The following KLHL28 variants were observed in gnomAD, a reference collection of about 807,000 sequenced individuals.
KLHL28 encodes kelch like family member 28.
Under a neutral mutation model 48.3 loss-of-function variants are expected in KLHL28, and 22 were observed. That is an observed-to-expected ratio of 0.46 (90% CI 0.33 to 0.65). The LOEUF (loss-of-function observed/expected upper bound fraction) is 0.65, where lower values mean the gene tolerates loss of function less well. Among genes scored for constraint, KLHL28 ranks in the 30% least tolerant of loss-of-function variants. The probability of loss-of-function intolerance (pLI) is 0.03; values close to 1 mark genes in which losing one functional copy is unlikely to be tolerated. For missense variants in KLHL28, 527 were observed against 704.3 expected, an observed-to-expected ratio of 0.75 and a Z score of 2.85; for synonymous variants, 243 against 242.4, an observed-to-expected ratio of 1.00 and a Z score of -0.02.
chr14:44,943,954 A>T (rs528954320), intron 2 of KLHL28, among the ~76,000 whole-genome samples: 4 of 152,204 alleles, frequency 2.6e-5, no homozygotes, highest in African/African-American at 9.6e-5. Flanking sequence ...GTCTCAAGTG[A>T]TCCTCCTGTG....
At chr14:44,935,207 A>G (rs1566564510) in intron 2 of KLHL28, among the ~76,000 whole-genome samples, 1 of 152,240 alleles carries the variant, frequency 6.6e-6, no homozygotes, top group Non-Finnish European at 1.5e-5. Flanking sequence ...TTGAGATAAA[A>G]AAGTCAAATT....
chr14:44,945,809 T>A lies in KLHL28; in HGVS notation c.120A>T (p.Arg40=). ...GAGCATGAATTTTAACATCACCTACTCGAAGAATGATGTCACAGAGTTCGT... is the reference window on the plus strand; with the variant it reads ...GAGCATGAATTTTAACATCACCTACACGAAGAATGATGTCACAGAGTTCGT... The part of the protein sequence containing the change: ...QHHELCDIIL[R]VGDVKIHAHK... The change falls in exon 2 of 5, where the codon CGA becomes CGT. Residue 40 remains arginine, a synonymous_variant. Transcript: ENST00000396128. The A allele has an allele frequency of 6.2e-7, 1 of 1,614,094 alleles. No homozygotes were observed. Among genetic ancestry groups the A allele is most frequent in the Non-Finnish European group, 8.5e-7 (1 of 1,180,004 alleles).
chr14:44,931,398 A>G lies in KLHL28; in HGVS notation c.1487T>C (p.Ile496Thr), dbSNP rs1304119202. 1.2e-6 allele frequency: 2 copies of G among 1,614,088 alleles called. No homozygotes were observed. Among genetic ancestry groups the G allele is most frequent in the East Asian group, 4.5e-5 (2 of 44,876 alleles). ...ATTTTGATGAGGATCGTATCTTTCA[A>G]TGCTGGACAAATGTGAGACTCCATT... ...GHNGVSHLSSIERYDPHQNQW... is the reference protein window; with the variant it reads ...GHNGVSHLSSTERYDPHQNQW... The change falls in exon 4 of 5, where the codon ATT becomes ACT. Residue 496 changes from isoleucine (I) to threonine (T), a missense_variant. Transcript: ENST00000396128.
At position 44,928,981 on chromosome 14, in the gene KLHL28, T is replaced by C. The variant is rs762380216; in HGVS notation, c.*47A>G. 2.5e-6 allele frequency: 4 copies of C among 1,578,032 alleles called. No individual in the cohort carries two copies. Among genetic ancestry groups the C allele is most frequent in the African/African-American group, 2.7e-5 (2 of 73,988 alleles). ...GAAAACTGGGCCATCCGGATGTTCA[T>C]GCAGTACAAGTTTCACCACCATACT... On this transcript the variant is annotated 3_prime_UTR_variant, in exon 5 of 5. Transcript: ENST00000396128.
chr14:44,945,591 T>C lies in KLHL28; in HGVS notation c.338A>G (p.Asn113Ser), dbSNP rs781564947. The change falls in exon 2 of 5, where the codon AAC becomes AGC. Residue 113 changes from asparagine (N) to serine (S), a missense_variant. Coordinates refer to ENST00000396128, the MANE Select transcript of KLHL28 (RefSeq NM_017658.5). ...DTVESLLPAANLLQIKLVLKE... is the reference protein window; with the variant it reads ...DTVESLLPAASLLQIKLVLKE... ...CAGGACAAGTTTTATCTGGAGTAGG[T>C]TTGCTGCTGGCAGGAGAGATTCAAC... 1.2e-6 allele frequency: 2 copies of C among 1,614,020 alleles called. No homozygotes were observed. Among genetic ancestry groups the C allele is most frequent in the Non-Finnish European group, 1.7e-6 (2 of 1,180,030 alleles).
chr14:44,937,668 C>T (rs1467388894), intron 2 of KLHL28, among the ~76,000 whole-genome samples: 5 of 152,106 alleles, frequency 3.3e-5, no homozygotes, highest in Admixed American at 2.0e-4. Flanking sequence ...GCCGATATAA[C>T]AGAATACTAC....
chr14:44,956,544 A>G, intron 1 of KLHL28, among the ~76,000 whole-genome samples: 1 of 152,226 alleles, frequency 6.6e-6, no homozygotes, highest in Non-Finnish European at 1.5e-5. Context: ...TAGAAAAATC[A>G]TGTTAAACAA....
At chr14:44,952,608 A>T (rs377365388) in intron 1 of KLHL28, among the ~76,000 whole-genome samples, 2 of 152,142 alleles carry the variant, frequency 1.3e-5, no homozygotes, top group South Asian at 2.1e-4. Flanking sequence ...ATCATGGCAC[A>T]ATGCAACCTC....
intron 1 of KLHL28, among the ~76,000 whole-genome samples, chr14:44,949,796 A>G (rs1489069302): frequency 2.6e-5 from 4 of 152,306 alleles, no homozygotes; most frequent in African/African-American, 9.6e-5. Flanking sequence ...CGTGTTTAAC[A>G]GGTTTAGGGA....
Position 44,927,108 on chromosome 14 carries a change from T to G in KLHL28, c.*1920A>C, listed in dbSNP as rs1883398751. 6.6e-6 allele frequency: 1 copy of G among 152,622 alleles called. No homozygotes were observed. The highest frequency in any genetic ancestry group is 2.1e-4 in the South Asian group (1 of 4,834). 9.5% of individuals were successfully genotyped at this position (152,622 alleles called of 1,614,324 possible). On this transcript the variant is annotated 3_prime_UTR_variant, in exon 5 of 5. Transcript: ENST00000396128. ...ACATAGAAAATACTCAGACTATCAA[T>G]TGTTATTAGTTGCTCCTGTTGAGTT...
At chr14:44,951,824 C>T (rs1884594230) in intron 1 of KLHL28, among the ~76,000 whole-genome samples, 1 of 152,092 alleles carries the variant, frequency 6.6e-6, no homozygotes, top group Non-Finnish European at 1.5e-5. Flanking sequence ...ATTACACTAG[C>T]AGTTTTCCAT....
rs966326126 is a variant in KLHL28, at chr14:44,926,824, A to G, written c.*2204T>C. The G allele has an allele frequency of 3.9e-5, 6 of 152,186 alleles. 1 individual carries two copies. Among genetic ancestry groups the G allele is most frequent in the Admixed American group, 3.9e-4 (6 of 15,264 alleles). The allele number at this position is 152,186 out of a possible 1,614,324, so 9.4% of individuals were successfully genotyped here. On this transcript the variant is annotated 3_prime_UTR_variant, in exon 5 of 5. Transcript: ENST00000396128. The stretch of plus-strand genomic sequence containing the variant: ...CGCCCGTCCTAAAATCATTTTCCAC[A>G]GTCTTTCAAATTCCCTTATCTTTTG...
intron 1 of KLHL28, among the ~76,000 whole-genome samples, chr14:44,949,620 A>T (rs1414800181): frequency 6.6e-6 from 1 of 152,128 alleles, no homozygotes. Flanking sequence ...TGAAGATGAC[A>T]TGAAGCTGCA....
chr14:44,941,642 A>G (rs1295257039), intron 2 of KLHL28, among the ~76,000 whole-genome samples: 1 of 149,168 alleles, frequency 6.7e-6, no homozygotes, highest in Non-Finnish European at 1.5e-5. Context: ...AAAAAAAAAA[A>G]AAAGAAAAAG....
intron 1 of KLHL28, among the ~76,000 whole-genome samples, chr14:44,955,286 T>A (rs571824605): frequency 9.2e-5 from 14 of 151,924 alleles, no homozygotes; most frequent in African/African-American, 3.4e-4. Context: ...ACATACATAT[T>A]AAATATACGT....
chr14:44,935,912 T>TC (rs1883807802), intron 2 of KLHL28, among the ~76,000 whole-genome samples: 2 of 20,944 alleles, frequency 9.5e-5, no homozygotes, highest in Admixed American at 1.6e-3. Context: ...ATCTTTACCC[T>TC]CCCCCCGCAA....
chr14:44,944,161 CCTAT>C (rs1357830403), intron 2 of KLHL28, among the ~76,000 whole-genome samples: 4 of 152,236 alleles, frequency 2.6e-5, no homozygotes, highest in East Asian at 3.9e-4. Flanking sequence ...ATGAAGCAAT[CCTAT>C]CTAAGAAAAA....
intron 1 of KLHL28, among the ~76,000 whole-genome samples, chr14:44,953,401 G>A (rs552767936): frequency 6.6e-6 from 1 of 152,346 alleles, no homozygotes; most frequent in East Asian, 1.9e-4. Flanking sequence ...CAATGCGGTA[G>A]TATTGAGAGG....
At position 44,934,575 on chromosome 14, in the gene KLHL28, A is replaced by C; in HGVS notation, c.900-17T>G. On this transcript the variant is annotated splice_polypyrimidine_tract_variant and intron_variant, in intron 2 of 4. Transcript: ENST00000396128. Reference sequence around the variant, plus strand: ...ATCTCCACACTAAAGAATAAGCAGAAAAAATATAAAATTTAAAAACCAAAG... The same window carrying C: ...ATCTCCACACTAAAGAATAAGCAGACAAAATATAAAATTTAAAAACCAAAG... 1 of 1,519,772 alleles carries C rather than the reference A, an allele frequency of 6.6e-7. No individual in the cohort carries two copies. The highest frequency in any genetic ancestry group is 8.8e-7 in the Non-Finnish European group (1 of 1,136,972). The allele number at this position is 1,519,772 out of a possible 1,614,324, so 94.1% of individuals were successfully genotyped here.
Sources: allele counts gnomAD v4.1 joint callset (sites outside exome capture counted in the v4.1 genomes callset), GRCh38; gene constraint gnomAD v4.1.1; transcripts MANE v1.5; gene names NCBI Gene and HGNC (gene_info 2026-07-23, HGNC 2026-07-21).